The following ADAMTS9 variants were observed in gnomAD, a reference collection of about 807,000 sequenced individuals.
ADAMTS9 encodes A disintegrin and metalloproteinase with thrombospondin motifs 9.
ADAMTS9 carries 107 observed loss-of-function variants against 257.1 expected under a neutral mutation model. That is an observed-to-expected ratio of 0.42 (90% CI 0.36 to 0.49). The LOEUF (loss-of-function observed/expected upper bound fraction) is 0.49. Ranked by LOEUF, ADAMTS9 falls within the 20% of genes least tolerant of loss-of-function variation. The pLI is 0.03. For synonymous variants in ADAMTS9, 982 were observed against 880.9 expected (o/e 1.11, Z -2.03); for missense variants, 2,353 against 2,469.1 (o/e 0.95, Z 1.00).
intron 19 of ADAMTS9, among the ~76,000 whole-genome samples, chr3:64,619,625 A>T (rs2106856370): frequency 6.6e-6 from 1 of 152,324 alleles, no homozygotes; most frequent in African/African-American, 2.4e-5. Context: ...ATAATGGGAT[A>T]ATATAAGAAC....
chr3:64,536,249 G>A (rs1161707126), intron 37 of ADAMTS9, among the ~76,000 whole-genome samples: 7 of 152,170 alleles, frequency 4.6e-5, no homozygotes, highest in African/African-American at 1.7e-4. Flanking sequence ...AAATGTCCTA[G>A]CTGATTGTTA....
At chr3:64,526,354 A>C (rs999680518) in intron 38 of ADAMTS9, among the ~76,000 whole-genome samples, 1 of 152,178 alleles carries the variant, frequency 6.6e-6, no homozygotes, top group African/African-American at 2.4e-5. Context: ...AAACAGTGCC[A>C]GTTTAACAAT....
In ADAMTS9 at chr3:64,568,370, G is replaced by A. The variant is rs775498069; in HGVS notation, c.4522C>T (p.Gln1508Ter). 2 of 1,609,136 alleles carry A rather than the reference G, an allele frequency of 1.2e-6. No individual in the cohort carries two copies. The highest frequency in any genetic ancestry group is 1.7e-6 in the Non-Finnish European group (2 of 1,178,622). ...AGTAGAGGAGAAGCATTGCTCACCT[G>A]ACTCCAAGCGCCAGCTTTCCATTTG... The part of the protein sequence containing the change: ...CPKWKAGAWS[Q>*]CSVSCGRGVQ... The change falls in exon 29 of 40, where the codon CAG (glutamine) becomes TAG (stop). Residue 1508 changes from glutamine (Q) to a stop codon, truncating the protein, a stop_gained and splice_region_variant. Coordinates refer to ENST00000498707, the MANE Select transcript of ADAMTS9 (RefSeq NM_182920.2). LOFTEE classifies it high-confidence loss of function.
chr3:64,656,736 G>C (rs1701081070), intron 4 of ADAMTS9, among the ~76,000 whole-genome samples: 1 of 152,090 alleles, frequency 6.6e-6, no homozygotes, highest in Non-Finnish European at 1.5e-5. Flanking sequence ...GGAGTATCTG[G>C]GACTGAGCGG....
intron 28 of ADAMTS9, among the ~76,000 whole-genome samples, chr3:64,591,088 T>C (rs1351454163): frequency 6.6e-6 from 1 of 152,180 alleles, no homozygotes; most frequent in Non-Finnish European, 1.5e-5. Flanking sequence ...ATGCATAGAC[T>C]ACTTAATGTC....
intron 19 of ADAMTS9, among the ~76,000 whole-genome samples, chr3:64,619,130 T>C (rs1380119751): frequency 1.3e-5 from 2 of 152,216 alleles, no homozygotes; most frequent in Admixed American, 6.5e-5. Flanking sequence ...TTATTCGCAA[T>C]GCTATGTATA....
chr3:64,530,821 G>A (rs2082971918), intron 38 of ADAMTS9, among the ~76,000 whole-genome samples: 1 of 152,132 alleles, frequency 6.6e-6, no homozygotes, highest in Non-Finnish European at 1.5e-5. Context: ...CCAGGCTGCA[G>A]TGCAGTGGCA....
chr3:64,647,057 A>G (rs187988629), intron 11 of ADAMTS9, among the ~76,000 whole-genome samples: 51 of 152,306 alleles, frequency 3.3e-4, no homozygotes, highest in Admixed American at 1.6e-3. Flanking sequence ...ATGAGAATAA[A>G]TTATTAAAAG....
chr3:64,603,686 A>T (rs531969715), intron 25 of ADAMTS9, among the ~76,000 whole-genome samples: 2 of 152,328 alleles, frequency 1.3e-5, no homozygotes, highest in East Asian at 3.9e-4. Flanking sequence ...ACTCAAGCAG[A>T]CTGTAAACCG....
At chr3:64,642,609 C>T (rs560581474) in intron 11 of ADAMTS9, among the ~76,000 whole-genome samples, 1 of 152,240 alleles carries the variant, frequency 6.6e-6, no homozygotes, top group East Asian at 1.9e-4. Context: ...AAGGCCATGA[C>T]GTTTAAAAAA....
At chr3:64,654,742 A>T in intron 6 of ADAMTS9, 130 bp from the exon 7 acceptor site, 1 of 954,326 alleles carries the variant, frequency 1.0e-6, no homozygotes. Context: ...AAGCAAATTC[A>T]TAAGACCAGA....
In ADAMTS9 at chr3:64,568,360, T is replaced by A. The variant is rs1028057565; in HGVS notation, c.4524+8A>T. 1 of 1,607,394 alleles carries A rather than the reference T, an allele frequency of 6.2e-7. No homozygotes were observed. Among genetic ancestry groups the A allele is most frequent in the South Asian group, 1.1e-5 (1 of 90,146 alleles). On this transcript the variant is annotated splice_region_variant and intron_variant, in intron 29 of 39. Coordinates refer to ENST00000498707, the MANE Select transcript of ADAMTS9 (RefSeq NM_182920.2). ...GGAAGCAGTCAGTAGAGGAGAAGCA[T>A]TGCTCACCTGACTCCAAGCGCCAGC...
intron 37 of ADAMTS9, 52 bp downstream of exon 37, chr3:64,539,151 G>C: frequency 6.6e-7 from 1 of 1,524,620 alleles, no homozygotes; most frequent in Non-Finnish European, 9.1e-7. Flanking sequence ...GGATGTTCCC[G>C]GGAAAGGTGG....
intron 28 of ADAMTS9, among the ~76,000 whole-genome samples, chr3:64,591,154 T>C (rs1218925381): frequency 6.6e-6 from 1 of 152,118 alleles, no homozygotes; most frequent in Non-Finnish European, 1.5e-5. Context: ...AAGAACCTTA[T>C]TTCAGGCTGG....
chr3:64,599,071 T>C (rs1174276670), intron 26 of ADAMTS9, among the ~76,000 whole-genome samples: 1 of 152,162 alleles, frequency 6.6e-6, no homozygotes, highest in Non-Finnish European at 1.5e-5. Flanking sequence ...GACTGGATGC[T>C]TCCTACCGAG....
At chr3:64,585,163 G>A (rs911246172) in intron 28 of ADAMTS9, among the ~76,000 whole-genome samples, 1 of 152,112 alleles carries the variant, frequency 6.6e-6, no homozygotes, top group African/African-American at 2.4e-5. Context: ...TAAATGATTG[G>A]GGAAACAGGT....
chr3:64,617,858 A>G (rs1304661368), intron 19 of ADAMTS9, among the ~76,000 whole-genome samples: 2 of 152,206 alleles, frequency 1.3e-5, no homozygotes, highest in African/African-American at 2.4e-5. Flanking sequence ...ATCCACAACC[A>G]TGCGTTTGGA....
At chr3:64,571,708 G>C (rs911102082) in intron 28 of ADAMTS9, among the ~76,000 whole-genome samples, 2 of 152,166 alleles carry the variant, frequency 1.3e-5, no homozygotes, top group African/African-American at 4.8e-5. Flanking sequence ...TATCTAATCT[G>C]ATAGCAAATA....
chr3:64,583,405 A>G lies in ADAMTS9; in HGVS notation c.4356+10853T>C, dbSNP rs544046443. 3 of 152,342 alleles carry G rather than the reference A, an allele frequency of 2.0e-5. No homozygotes were observed. In the East Asian group the frequency reaches 5.8e-4, roughly 29 times the overall value. 9.4% of individuals were successfully genotyped at this position (152,342 alleles called of 1,614,324 possible). A position where few individuals can be genotyped will look rare whatever the true frequency, so the allele number is the denominator to read the frequency against. ...TTTTATGGGAAATTCAACTCTCCAG[A>G]GAGAAGAGCTTTCAGATAGCTGCGG... On this transcript the variant is annotated intron_variant, in intron 28 of 39. Transcript: ENST00000498707.
Sources: gnomAD v4.1 joint callset for allele counts (sites outside exome capture counted in the v4.1 genomes callset) on GRCh38, gnomAD v4.1.1 for gene constraint, MANE v1.5 for transcripts, NCBI Gene and HGNC (gene_info 2026-07-23, HGNC 2026-07-21) for gene names.